The following RYR2 variants were observed in gnomAD, a reference collection of about 807,000 sequenced individuals.
RYR2 encodes cardiac muscle ryanodine receptor-calcium release channel.
Under a neutral mutation model 601.1 loss-of-function variants are expected in RYR2, and 227 were observed. The observed-to-expected ratio is 0.38, with a 90% CI of 0.34 to 0.42. RYR2 has a LOEUF of 0.42. Among genes scored for constraint, RYR2 ranks in the 10% least tolerant of loss-of-function variants. The pLI is 1.00. For synonymous variants in RYR2, 2,223 were observed against 2,175.1 expected, an observed-to-expected ratio of 1.02 and a Z score of -0.61; for missense variants, 4,646 against 6,156.5, an observed-to-expected ratio of 0.75 and a Z score of 8.21.
chr1:237,757,063 A>C (rs1693017764), intron 81 of RYR2, among the ~76,000 whole-genome samples: 1 of 152,214 alleles, frequency 6.6e-6, no homozygotes, highest in African/African-American at 2.4e-5. Flanking sequence ...TTGTAATGGA[A>C]TGGAAAAGTA....
At chr1:237,597,227 A>C (rs919219201) in intron 34 of RYR2, among the ~76,000 whole-genome samples, 4 of 152,158 alleles carry the variant, frequency 2.6e-5, no homozygotes, top group Non-Finnish European at 5.9e-5. Context: ...AGGAACATAC[A>C]ATATAGAGAG....
rs1381933441 is a variant in RYR2 at position 237,245,098 on chromosome 1, T to G, written c.49-25399T>G. Reference sequence around the variant, plus strand: ...TGGGTGTGGTGGTGCATGCCTGTAGTCTCAGCTGCTTGGGAGACTGAGGCA... The same window carrying G: ...TGGGTGTGGTGGTGCATGCCTGTAGGCTCAGCTGCTTGGGAGACTGAGGCA... On this transcript the variant is annotated intron_variant, in intron 1 of 104. Coordinates refer to ENST00000366574, the MANE Select transcript of RYR2 (RefSeq NM_001035.3). Among the ~76,000 whole-genome samples, 9 of 152,092 alleles carry G rather than the reference T, an allele frequency of 5.9e-5. No individual in the cohort carries two copies. The South Asian group carries it at 1.7e-3, about 28-fold the overall frequency.
chr1:237,646,640 A>T (rs1009144538), intron 48 of RYR2, among the ~76,000 whole-genome samples: 16 of 152,180 alleles, frequency 1.1e-4, no homozygotes, highest in Non-Finnish European at 2.4e-4. Flanking sequence ...CATTTTTATC[A>T]TATTTATTTC....
At chr1:237,661,045 A>G (rs1323934721) in intron 56 of RYR2, 98 bp downstream of exon 56, 36 of 1,159,058 alleles carry the variant, frequency 3.1e-5, no homozygotes, top group Non-Finnish European at 3.8e-5. Flanking sequence ...TAATCTGAAA[A>G]TTCTGAAGAG....
At chr1:237,509,955 T>C (rs562636132) in intron 23 of RYR2, among the ~76,000 whole-genome samples, 9 of 152,290 alleles carry the variant, frequency 5.9e-5, no homozygotes. Flanking sequence ...ACACCTCTGC[T>C]GTGGTGTGGA....
chr1:237,745,157 C>A (rs1483190529), intron 80 of RYR2, among the ~76,000 whole-genome samples: 3 of 152,030 alleles, frequency 2.0e-5, no homozygotes, highest in African/African-American at 7.2e-5. Flanking sequence ...GTTCTTGTAT[C>A]ATCATCCTTG....
chr1:237,738,761 A>G (rs571128345), intron 79 of RYR2, among the ~76,000 whole-genome samples: 3 of 152,008 alleles, frequency 2.0e-5, no homozygotes, highest in Admixed American at 6.5e-5. Context: ...TCGTTGATAG[A>G]CTTTTGTATC....
chr1:237,183,261 C>T (rs900571732), intron 1 of RYR2, among the ~76,000 whole-genome samples: 2 of 152,160 alleles, frequency 1.3e-5, no homozygotes, highest in African/African-American at 4.8e-5. Context: ...AATCCTAGGG[C>T]AAGCTATTCA....
chr1:237,162,603 T>A (rs575425777), intron 1 of RYR2, among the ~76,000 whole-genome samples: 1 of 152,244 alleles, frequency 6.6e-6, no homozygotes, highest in East Asian at 1.9e-4. Flanking sequence ...GGGTTGTTGG[T>A]GCCCAGGATA....
At chr1:237,396,159 G>A (rs1279138355) in intron 10 of RYR2, among the ~76,000 whole-genome samples, 1 of 152,144 alleles carries the variant, frequency 6.6e-6, no homozygotes, top group African/African-American at 2.4e-5. Flanking sequence ...GACAGTTCCT[G>A]AAGGATTGTT....
At chr1:237,655,716 A>G in intron 52 of RYR2, 105 bp from the exon 53 acceptor site, 1 of 1,014,450 alleles carries the variant, frequency 9.9e-7, no homozygotes, top group Non-Finnish European at 1.4e-6. Context: ...CAGTTAGTCC[A>G]GGGTAATTCA....
At chr1:237,054,332 TC>T (rs557136372) in intron 1 of RYR2, among the ~76,000 whole-genome samples, 2,080 of 14,350 alleles carry the variant, frequency 0.14, 31 homozygotes, top group South Asian at 0.34. Context: ...GCCTCCCCCC[TC>T]CCCCCCTCCC....
chr1:237,228,915 AT>A (rs1311871126), intron 1 of RYR2, among the ~76,000 whole-genome samples: 75 of 152,326 alleles, frequency 4.9e-4, no homozygotes, highest in Admixed American at 4.1e-3. Context: ...GTGAAAAAAA[AT>A]AGGAAGAAAA....
At chr1:237,705,837 A>T (rs1688325485) in intron 67 of RYR2, among the ~76,000 whole-genome samples, 1 of 152,208 alleles carries the variant, frequency 6.6e-6, no homozygotes, top group Non-Finnish European at 1.5e-5. Flanking sequence ...TTTTTAAGAA[A>T]CATGGCTTTA....
chr1:237,130,645 G>T, intron 1 of RYR2, among the ~76,000 whole-genome samples: 1 of 151,974 alleles, frequency 6.6e-6, no homozygotes, highest in African/African-American at 2.4e-5. Flanking sequence ...CCAGTGAGCT[G>T]AGATGGTGCC....
At chr1:237,687,366 C>CTTTTTTTTTTTTTTTTTTTTTTTTCTTTT in intron 62 of RYR2, 89 bp from the exon 63 acceptor site, 3 of 257,686 alleles carry the variant, frequency 1.2e-5, no homozygotes, top group East Asian at 7.7e-5. Flanking sequence ...TTTTCTTCTT[C>CTTTTTTTTTTTTTTTTTTTTTTTTCTTTT]TTTTTTTTTT....
intron 27 of RYR2, 41 bp from the exon 28 acceptor site, chr1:237,566,526 C>G (rs753631149): frequency 7.0e-6 from 11 of 1,582,026 alleles, no homozygotes; most frequent in Non-Finnish European, 9.5e-6. Context: ...TCTTTCACCT[C>G]CCCATCCAAT....
intron 71 of RYR2, among the ~76,000 whole-genome samples, chr1:237,713,180 TCCATC>T (rs1688983550): frequency 6.6e-6 from 1 of 152,108 alleles, no homozygotes; most frequent in Non-Finnish European, 1.5e-5. Context: ...TTCCCTCTTT[TCCATC>T]AGTTGAGTCC....
intron 1 of RYR2, among the ~76,000 whole-genome samples, chr1:237,059,899 G>A (rs1330084564): frequency 6.6e-6 from 1 of 152,146 alleles, no homozygotes; most frequent in Non-Finnish European, 1.5e-5. Flanking sequence ...ACTACCTCCT[G>A]TGTGTCAGGT....
Sources: gnomAD v4.1 joint callset for allele counts (sites outside exome capture counted in the v4.1 genomes callset) on GRCh38, gnomAD v4.1.1 for gene constraint, MANE v1.5 for transcripts, NCBI Gene and HGNC (gene_info 2026-07-23, HGNC 2026-07-21) for gene names.